The following HMGN3 variants were observed in gnomAD, a reference collection of about 807,000 sequenced individuals.
The protein encoded by HMGN3 is high mobility group nucleosome-binding domain-containing protein 3.
A neutral mutation model predicts 18.8 loss-of-function variants in HMGN3; 6 were observed. That is an observed-to-expected ratio of 0.32 (90% CI 0.18 to 0.63). The LOEUF is 0.63. Among genes scored for constraint, HMGN3 ranks in the 30% least tolerant of loss-of-function variants. The pLI, the probability that HMGN3 is intolerant of heterozygous loss-of-function variation, is 0.79. For missense variants in HMGN3, 107 were observed against 114.2 expected (o/e 0.94, Z 0.29); for synonymous variants, 40 against 36.5 (o/e 1.10, Z -0.35).
intron 2 of HMGN3, among the ~76,000 whole-genome samples, chr6:79,214,262 T>A (rs983350621): frequency 5.3e-5 from 8 of 151,058 alleles, no homozygotes; most frequent in Non-Finnish European, 1.0e-4. Flanking sequence ...AGTGCAGTGG[T>A]GTGATCTCGG....
At chr6:79,201,829 CTTTT>C in intron 5 of HMGN3, 103 bp from the exon 7 acceptor site, 1 of 1,349,356 alleles carries the variant, frequency 7.4e-7, no homozygotes, top group Non-Finnish European at 9.8e-7. Flanking sequence ...CATTTGTTTT[CTTTT>C]TTTTTTCCAG....
At chr6:79,228,481 G>A (rs570726224) in intron 1 of HMGN3, among the ~76,000 whole-genome samples, 1 of 152,104 alleles carries the variant, frequency 6.6e-6, no homozygotes, top group East Asian at 1.9e-4. Context: ...ATTCAGACTG[G>A]GAAACTCAAT....
intron 3 of HMGN3, among the ~76,000 whole-genome samples, chr6:79,205,331 T>C (rs1201017560): frequency 1.3e-5 from 2 of 152,200 alleles, no homozygotes; most frequent in African/African-American, 4.8e-5. Flanking sequence ...ACAACTCCCA[T>C]GTGTCATGTG....
intron 1 of HMGN3, among the ~76,000 whole-genome samples, chr6:79,217,647 G>GT (rs1191266228): frequency 6.6e-6 from 1 of 152,182 alleles, no homozygotes; most frequent in Non-Finnish European, 1.5e-5. Flanking sequence ...GTTGCACAGA[G>GT]TAACAGGTAG....
intron 1 of HMGN3, among the ~76,000 whole-genome samples, chr6:79,221,036 C>G (rs1237457189): frequency 6.6e-6 from 1 of 151,962 alleles, no homozygotes; most frequent in Non-Finnish European, 1.5e-5. Flanking sequence ...TCCTGGATTT[C>G]TCTGTATTTA....
chr6:79,212,204 C>A (rs764042657), intron 2 of HMGN3, among the ~76,000 whole-genome samples: 1 of 152,054 alleles, frequency 6.6e-6, no homozygotes, highest in South Asian at 2.1e-4. Flanking sequence ...ATAGGGATAG[C>A]GGATTTTGGA....
At chr6:79,224,463 T>C (rs886802362) in intron 1 of HMGN3, among the ~76,000 whole-genome samples, 13 of 152,328 alleles carry the variant, frequency 8.5e-5, no homozygotes, top group African/African-American at 3.1e-4. Context: ...CAATAACCTA[T>C]TAAAAATAGT....
rs867203924 is a variant in HMGN3, at chr6:79,202,268, G to T, written c.261+8C>A. ...ATTCAATCAGTGGGAGGTATTTATG[G>T]AAAGTACCTCTTCAGCTTTAGTTTC... is the stretch of plus-strand genomic sequence containing the variant. On this transcript the variant is annotated splice_region_variant and intron_variant, in intron 5 of 5. Transcript: ENST00000344726. 19 of 1,613,552 alleles carry T rather than the reference G, an allele frequency of 1.2e-5. No individual in the cohort carries two copies. Among genetic ancestry groups the T allele is most frequent in the Non-Finnish European group, 1.6e-5 (19 of 1,179,502 alleles).
chr6:79,222,491 T>C (rs887575056), intron 1 of HMGN3, among the ~76,000 whole-genome samples: 4 of 152,226 alleles, frequency 2.6e-5, no homozygotes, highest in Admixed American at 6.5e-5. Flanking sequence ...GAAATTCTTA[T>C]AAGGTTTCTT....
At chr6:79,213,678 G>T (rs571770362) in intron 2 of HMGN3, among the ~76,000 whole-genome samples, 1 of 152,076 alleles carries the variant, frequency 6.6e-6, no homozygotes, top group Non-Finnish European at 1.5e-5. Context: ...TGGATGATGG[G>T]GACAGACTGT....
chr6:79,214,264 T>G (rs908816313), intron 2 of HMGN3, among the ~76,000 whole-genome samples: 15 of 150,628 alleles, frequency 1.0e-4, no homozygotes, highest in Non-Finnish European at 1.9e-4. Flanking sequence ...TGCAGTGGTG[T>G]GATCTCGGCT....
At chr6:79,221,902 CATTGGTACATGTATTGGTACATGT>C (rs1378090292) in intron 1 of HMGN3, among the ~76,000 whole-genome samples, 1 of 151,984 alleles carries the variant, frequency 6.6e-6, no homozygotes, top group Non-Finnish European at 1.5e-5. Flanking sequence ...AGTACCAATT[CATTGGTACATGTATTGGTACATGT>C]ATTGGTACAT....
chr6:79,234,541 CT>C lies in HMGN3; in HGVS notation c.15+4del. The C allele has an allele frequency of 6.2e-7, 1 of 1,611,970 alleles. No homozygotes were observed. Among genetic ancestry groups the C allele is most frequent in the South Asian group, 1.1e-5 (1 of 90,908 alleles). ...CTTTTGAAATCTTTTTTTGGTAAGA[CT>C]TACCTTTCTCTTCGGCATAATGACT... is the stretch of plus-strand genomic sequence containing the variant. On this transcript the variant is annotated splice_donor_region_variant and intron_variant, in intron 1 of 5. Coordinates refer to ENST00000344726, the Ensembl canonical transcript of HMGN3.
chr6:79,208,568 T>G, exon 3 of HMGN3: 3 of 1,610,626 alleles, frequency 1.9e-6, no homozygotes, highest in Non-Finnish European at 2.5e-6. Context: ...TGGCAGACCG[T>G]CTTGTGGGCT....
chr6:79,201,533 T>C (rs1776132891), exon 6 of HMGN3: 1 of 572,026 alleles, frequency 1.7e-6, no homozygotes, highest in South Asian at 2.6e-5. Flanking sequence ...CCAAAAAGCA[T>C]GACTATGAGA....
At position 79,206,308 on chromosome 6, in the gene HMGN3, G is replaced by A. The variant is rs370207999; in HGVS notation, c.96+2239C>T. 1.1e-4 allele frequency among the ~76,000 whole-genome samples: 16 copies of A among 152,246 alleles called. No individual in the cohort carries two copies. The South Asian group carries it at 1.9e-3, about 18-fold the overall frequency. On this transcript the variant is annotated intron_variant, in intron 3 of 5. Coordinates refer to ENST00000344726, the Ensembl canonical transcript of HMGN3. ...TTTGCAGCAGCCTCTCCCATTACAGGCCCAGAGTTTAGGAGGAAAAAATGG... is the reference window on the plus strand; with the variant it reads ...TTTGCAGCAGCCTCTCCCATTACAGACCCAGAGTTTAGGAGGAAAAAATGG...
intron 1 of HMGN3, among the ~76,000 whole-genome samples, chr6:79,226,309 C>G (rs1777565934): frequency 6.6e-6 from 1 of 152,176 alleles, no homozygotes; most frequent in Non-Finnish European, 1.5e-5. Flanking sequence ...ATCACAGGTG[C>G]TGTGGGGAAG....
At chr6:79,202,207 C>A (rs772743418) in intron 5 of HMGN3, 52 bp from the exon 6 acceptor site, 2 of 1,611,270 alleles carry the variant, frequency 1.2e-6, no homozygotes, top group South Asian at 1.1e-5. Context: ...GTGCTATCAC[C>A]GGCTGAAGGA....
At chr6:79,206,136 C>T (rs891286322) in intron 3 of HMGN3, among the ~76,000 whole-genome samples, 1 of 152,182 alleles carries the variant, frequency 6.6e-6, no homozygotes. Context: ...AGAAAATTTG[C>T]AGCCTGGCAA....
Sources: gnomAD v4.1 joint callset for allele counts (sites outside exome capture counted in the v4.1 genomes callset) on GRCh38, gnomAD v4.1.1 for gene constraint, MANE v1.5 for transcripts, NCBI Gene and HGNC (gene_info 2026-07-23, HGNC 2026-07-21) for gene names.